Variants in RASSF8 observed in about 807,000 individuals in gnomAD.
The protein encoded by RASSF8 is Ras association domain family member 8.
In RASSF8, 22 loss-of-function variants were observed where a neutral mutation model predicts 48.5. The ratio of observed to expected loss-of-function variants is 0.45; its 90% CI spans 0.32 to 0.65. The LOEUF (loss-of-function observed/expected upper bound fraction) is 0.65, where lower values mean the gene tolerates loss of function less well. RASSF8 is among the 30% of genes least tolerant of loss of function. The pLI is 0.03. For synonymous variants in RASSF8, 127 were observed against 171.5 expected, an observed-to-expected ratio of 0.74 and a Z score of 2.03; for missense variants, 418 against 489.2, an observed-to-expected ratio of 0.85 and a Z score of 1.37.
intron 3 of RASSF8, among the ~76,000 whole-genome samples, chr12:26,057,624 A>G (rs955189961): frequency 2.6e-5 from 4 of 152,184 alleles, no homozygotes; most frequent in African/African-American, 7.2e-5. Context: ...GTGATTTATA[A>G]TCCTTTGGGT....
chr12:26,037,101 A>G (rs1245664854), intron 2 of RASSF8, among the ~76,000 whole-genome samples: 1 of 152,076 alleles, frequency 6.6e-6, no homozygotes, highest in Admixed American at 6.6e-5. Context: ...GAAAAAGTCT[A>G]CCCAGGGACT....
chr12:25,987,786 C>G (rs1480511473), intron 1 of RASSF8, among the ~76,000 whole-genome samples: 1 of 152,050 alleles, frequency 6.6e-6, no homozygotes, highest in Non-Finnish European at 1.5e-5. Context: ...AAATTTCTAC[C>G]AGCTCTTTTT....
intron 5 of RASSF8, 71 bp downstream of exon 5, chr12:26,067,784 T>A (rs1943911863): frequency 1.3e-6 from 2 of 1,580,020 alleles, no homozygotes; most frequent in South Asian, 2.3e-5. Context: ...TTTTGTTTTT[T>A]GAGATAGTAT....
intron 1 of RASSF8, among the ~76,000 whole-genome samples, chr12:25,969,461 A>G (rs528810025): frequency 1.3e-5 from 2 of 152,288 alleles, no homozygotes; most frequent in Non-Finnish European, 2.9e-5. Flanking sequence ...TAGAATTAGT[A>G]AAATTGAAAA....
intron 1 of RASSF8, among the ~76,000 whole-genome samples, chr12:25,992,638 G>A (rs1942040711): frequency 6.6e-6 from 1 of 152,174 alleles, no homozygotes; most frequent in Non-Finnish European, 1.5e-5. Flanking sequence ...TTGAAGGAGA[G>A]GCAGGGAAAC....
chr12:26,073,849 C>CACACACACACACACACATAT (rs35014279), downstream of RASSF8, among the ~76,000 whole-genome samples: 9 of 144,112 alleles, frequency 6.2e-5, no homozygotes, highest in Non-Finnish European at 9.0e-5. Flanking sequence ...CACACACACA[C>CACACACACACACACACATAT]ATATATATAT....
downstream of RASSF8, among the ~76,000 whole-genome samples, chr12:26,074,670 C>A (rs1944056081): frequency 6.6e-6 from 1 of 152,036 alleles, no homozygotes; most frequent in Non-Finnish European, 1.5e-5. Flanking sequence ...ATAGAGATGA[C>A]AACTTCAGTA....
chr12:26,049,170 A>G (rs1943438000), intron 2 of RASSF8, among the ~76,000 whole-genome samples: 1 of 152,202 alleles, frequency 6.6e-6, no homozygotes, highest in South Asian at 2.1e-4. Context: ...CAGTCTAATA[A>G]GCATGTTCTT....
At chr12:25,970,245 T>G (rs1328018165) in intron 1 of RASSF8, among the ~76,000 whole-genome samples, 1 of 152,162 alleles carries the variant, frequency 6.6e-6, no homozygotes, top group Non-Finnish European at 1.5e-5. Flanking sequence ...TGGTGCTGAA[T>G]GTCCGGATCT....
chr12:26,045,385 G>A (rs1390322), intron 2 of RASSF8, among the ~76,000 whole-genome samples: 128,559 of 152,178 alleles, frequency 0.84, 54,417 homozygotes, highest in East Asian at 0.99. Context: ...TAGAAGTTTT[G>A]TAGTCTAGCA....
chr12:26,035,132 G>C (rs1457252670), intron 2 of RASSF8, among the ~76,000 whole-genome samples: 1 of 151,884 alleles, frequency 6.6e-6, no homozygotes, highest in Non-Finnish European at 1.5e-5. Flanking sequence ...CTTCTAGGCT[G>C]TACTAAGGCA....
chr12:26,056,262 G>A (rs1943600473), intron 3 of RASSF8, among the ~76,000 whole-genome samples: 1 of 152,084 alleles, frequency 6.6e-6, no homozygotes, highest in African/African-American at 2.4e-5. Flanking sequence ...CTCCCACCAT[G>A]TTTTACCCTT....
chr12:26,048,505 G>C (rs1943420843), intron 2 of RASSF8, among the ~76,000 whole-genome samples: 1 of 152,206 alleles, frequency 6.6e-6, no homozygotes, highest in Non-Finnish European at 1.5e-5. Context: ...AGGGCTACTA[G>C]TACTGGAGAG....
intron 2 of RASSF8, among the ~76,000 whole-genome samples, chr12:26,025,580 A>AAG (rs1942892970): frequency 6.9e-6 from 1 of 144,648 alleles, no homozygotes; most frequent in Non-Finnish European, 1.5e-5. Flanking sequence ...AAAAAAAAAA[A>AAG]GCATTCAGAT....
chr12:26,009,185 C>T (rs1942464815), intron 2 of RASSF8, among the ~76,000 whole-genome samples: 1 of 152,150 alleles, frequency 6.6e-6, no homozygotes, highest in Non-Finnish European at 1.5e-5. Context: ...GGGCTGAGAA[C>T]CAATGGATAT....
chr12:26,018,241 A>G (rs910590784), intron 2 of RASSF8, among the ~76,000 whole-genome samples: 1 of 152,168 alleles, frequency 6.6e-6, no homozygotes, highest in African/African-American at 2.4e-5. Context: ...TTTAAATGCT[A>G]TGCAAGTCAT....
chr12:26,018,575 A>G (rs1278753492), intron 2 of RASSF8, among the ~76,000 whole-genome samples: 1 of 152,188 alleles, frequency 6.6e-6, no homozygotes, highest in Non-Finnish European at 1.5e-5. Flanking sequence ...CAACACTTAC[A>G]ACTTGGAATC....
chr12:26,025,963 CT>C (rs766531047), intron 2 of RASSF8, among the ~76,000 whole-genome samples: 2 of 152,056 alleles, frequency 1.3e-5, no homozygotes, highest in African/African-American at 2.4e-5. Context: ...AGTTAGCCCC[CT>C]ATATACACGT....
chr12:25,980,866 A>G (rs1267387712), intron 1 of RASSF8, among the ~76,000 whole-genome samples: 1 of 152,206 alleles, frequency 6.6e-6, no homozygotes, highest in Non-Finnish European at 1.5e-5. Flanking sequence ...TCCTCTTAAG[A>G]AAAAGTATAT....
Sources: allele counts gnomAD v4.1 joint callset (sites outside exome capture counted in the v4.1 genomes callset), GRCh38; gene constraint gnomAD v4.1.1; transcripts MANE v1.5; gene names NCBI Gene and HGNC (gene_info 2026-07-23, HGNC 2026-07-21).